The following ADAMTSL1 variants were observed in gnomAD, a reference collection of about 807,000 sequenced individuals.
ADAMTSL1 encodes the protein ADAMTS like 1, also known as ADAMTS-like protein 1.
Under a neutral mutation model 201.8 loss-of-function variants are expected in ADAMTSL1, and 126 were observed. That is an observed-to-expected ratio of 0.62 (90% confidence interval 0.54 to 0.72). The LOEUF (loss-of-function observed/expected upper bound fraction) is 0.72. Ranked by LOEUF, ADAMTSL1 falls within the 30% of genes least tolerant of loss-of-function variation. The probability of loss-of-function intolerance (pLI) is 0.00; values close to 1 mark genes in which losing one functional copy is unlikely to be tolerated. For synonymous variants in ADAMTSL1, 1,121 were observed against 903.4 expected (o/e 1.24, Z -4.32); for missense variants, 2,679 against 2,277.8 (o/e 1.18, Z -3.59).
chr9:18,847,553 G>A (rs1310001131), intron 23 of ADAMTSL1, among the ~76,000 whole-genome samples: 1 of 152,246 alleles, frequency 6.6e-6, no homozygotes, highest in Admixed American at 6.5e-5. Flanking sequence ...ATGTGGGAAG[G>A]AGGTTCCAAT....
At chr9:18,514,538 A>G (rs1277071958) in intron 2 of ADAMTSL1, among the ~76,000 whole-genome samples, 5 of 151,618 alleles carry the variant, frequency 3.3e-5, no homozygotes, top group African/African-American at 9.7e-5. Flanking sequence ...CACCGTGTTC[A>G]CCAGGATGGT....
At chr9:18,888,068 T>C (rs375481195) in intron 24 of ADAMTSL1, 25 bp downstream of exon 24, 3 of 1,601,686 alleles carry the variant, frequency 1.9e-6, no homozygotes, top group Non-Finnish European at 8.5e-7. Flanking sequence ...AGACTTTGCA[T>C]ACTGGACTTG....
chr9:18,026,214 A>G (rs1378713854), intron 1 of ADAMTSL1, among the ~76,000 whole-genome samples: 1 of 151,886 alleles, frequency 6.6e-6, no homozygotes, highest in Admixed American at 6.6e-5. Context: ...CTCTTGCCTC[A>G]TTGCTCTGGC....
intron 1 of ADAMTSL1, among the ~76,000 whole-genome samples, chr9:18,160,706 G>T (rs1163777229): frequency 1.3e-5 from 2 of 150,938 alleles, no homozygotes; most frequent in Non-Finnish European, 3.0e-5. Context: ...TTTGAGAAAG[G>T]TCTATTTCTG....
At chr9:18,483,304 C>T (rs1298094693) in intron 1 of ADAMTSL1, among the ~76,000 whole-genome samples, 3 of 152,114 alleles carry the variant, frequency 2.0e-5, no homozygotes, top group Non-Finnish European at 4.4e-5. Flanking sequence ...TTATATTTAT[C>T]ACGAGCATCT....
chr9:18,773,387 C>G (rs1269233008), intron 17 of ADAMTSL1, among the ~76,000 whole-genome samples: 7 of 150,566 alleles, frequency 4.6e-5, no homozygotes, highest in Non-Finnish European at 3.0e-5. Flanking sequence ...GGAAGTTGCT[C>G]CTTTCCCCCC....
intron 2 of ADAMTSL1, chr9:18,362,106 G>A (rs951882278): frequency 2.6e-5 from 4 of 152,130 alleles, no homozygotes; most frequent in African/African-American, 7.2e-5. Flanking sequence ...TCACTGTAAG[G>A]TTCTTCATTC....
intron 23 of ADAMTSL1, among the ~76,000 whole-genome samples, chr9:18,874,794 G>A (rs982450594): frequency 1.3e-5 from 2 of 152,028 alleles, no homozygotes; most frequent in Non-Finnish European, 2.9e-5. Context: ...CTGATTTAGG[G>A]AGGACTCCCT....
intron 3 of ADAMTSL1, among the ~76,000 whole-genome samples, chr9:18,534,580 T>C (rs958090966): frequency 1.3e-5 from 2 of 152,358 alleles, no homozygotes; most frequent in East Asian, 1.9e-4. Context: ...CTTTCCTCAA[T>C]ATCATGGGCA....
At chr9:18,524,631 T>C (rs920473630) in intron 2 of ADAMTSL1, among the ~76,000 whole-genome samples, 1 of 152,200 alleles carries the variant, frequency 6.6e-6, no homozygotes, top group African/African-American at 2.4e-5. Flanking sequence ...ACCTAGTTTA[T>C]TGAGAGTTCT....
At chr9:17,922,658 G>A (rs1826350032) in intron 1 of ADAMTSL1, among the ~76,000 whole-genome samples, 1 of 152,138 alleles carries the variant, frequency 6.6e-6, no homozygotes, top group Non-Finnish European at 1.5e-5. Flanking sequence ...TTAGAAAGTT[G>A]AGTTGACTTG....
At chr9:18,186,974 A>G (rs896384890) in intron 2 of ADAMTSL1, among the ~76,000 whole-genome samples, 2 of 152,034 alleles carry the variant, frequency 1.3e-5, no homozygotes, top group African/African-American at 4.8e-5. Flanking sequence ...AAGACTTTCA[A>G]CTCTAAATCC....
At chr9:18,030,926 A>AT (rs1159736038) in intron 1 of ADAMTSL1, among the ~76,000 whole-genome samples, 1 of 151,838 alleles carries the variant, frequency 6.6e-6, no homozygotes, top group African/African-American at 2.4e-5. Flanking sequence ...TGAGCTTTGA[A>AT]TTTTTTTCCT....
Position 18,256,744 on chromosome 9 carries a change from C to T in ADAMTSL1, c.207+92763C>T, listed in dbSNP as rs754595408. Reference sequence around the variant, plus strand: ...TTTACATGTGAACCAGATGAGCCAGCGGTGTTGCCCAGCAACCATCGTAAT... The same window carrying T: ...TTTACATGTGAACCAGATGAGCCAGTGGTGTTGCCCAGCAACCATCGTAAT... On this transcript the variant is annotated intron_variant, in intron 2 of 29. Transcript: ENST00000680146. Among the ~76,000 whole-genome samples, 7 of 152,266 alleles carry T rather than the reference C, an allele frequency of 4.6e-5. No homozygotes were observed. In the South Asian group the frequency reaches 6.2e-4, roughly 14 times the overall value.
At chr9:18,549,924 T>C (rs10756972) in intron 3 of ADAMTSL1, among the ~76,000 whole-genome samples, 39,537 of 151,706 alleles carry the variant, frequency 0.26, 5,588 homozygotes, top group East Asian at 0.6. Flanking sequence ...ATCAAAATCT[T>C]CAGTTTAACA....
chr9:18,879,083 C>G (rs745687285), intron 23 of ADAMTSL1, among the ~76,000 whole-genome samples: 3 of 152,160 alleles, frequency 2.0e-5, no homozygotes, highest in Non-Finnish European at 4.4e-5. Flanking sequence ...GGCTTAGTTC[C>G]GTTTCACTAT....
chr9:18,185,719 T>C (rs7023345), intron 2 of ADAMTSL1, among the ~76,000 whole-genome samples: 147,364 of 152,228 alleles, frequency 0.97, 71,543 homozygotes, highest in East Asian at 1. Flanking sequence ...AATGAATAGC[T>C]TTATACATCA....
At chr9:18,699,483 C>T (rs1331436314) in intron 13 of ADAMTSL1, among the ~76,000 whole-genome samples, 1 of 151,970 alleles carries the variant, frequency 6.6e-6, no homozygotes, top group Non-Finnish European at 1.5e-5. Flanking sequence ...TGCTACCAGA[C>T]TCAGCTAACT....
chr9:18,391,495 G>A (rs1393463425), intron 2 of ADAMTSL1, among the ~76,000 whole-genome samples: 1 of 152,070 alleles, frequency 6.6e-6, no homozygotes, highest in African/African-American at 2.4e-5. Context: ...ACCCAGGCTG[G>A]AGAGCAGTGG....
Sources: allele counts gnomAD v4.1 joint callset (sites outside exome capture counted in the v4.1 genomes callset), GRCh38; gene constraint gnomAD v4.1.1; transcripts MANE v1.5; gene names NCBI Gene and HGNC (gene_info 2026-07-23, HGNC 2026-07-21).